Variants in OTUD7A observed in about 807,000 individuals in gnomAD.
OTUD7A encodes the protein OTU domain-containing protein 7A.
Under a neutral mutation model 65.7 loss-of-function variants are expected in OTUD7A, and 12 were observed. The observed-to-expected ratio is 0.18, with a 90% CI of 0.12 to 0.30. The LOEUF (loss-of-function observed/expected upper bound fraction) is 0.30. Ranked by LOEUF, OTUD7A falls within the 10% of genes least tolerant of loss-of-function variation. OTUD7A has a pLI of 1.00. For synonymous variants in OTUD7A, 641 were observed against 586.3 expected (o/e 1.09, Z -1.35); for missense variants, 1,148 against 1,304.8 (o/e 0.88, Z 1.85).
At chr15:31,784,194 A>C (rs558206688) in intron 1 of OTUD7A, among the ~76,000 whole-genome samples, 3 of 152,252 alleles carry the variant, frequency 2.0e-5, no homozygotes, top group Non-Finnish European at 4.4e-5. Flanking sequence ...ATGTGGCTTC[A>C]GATTCCATGT....
At chr15:31,626,283 T>G (rs1428286877) in intron 3 of OTUD7A, among the ~76,000 whole-genome samples, 1 of 152,146 alleles carries the variant, frequency 6.6e-6, no homozygotes. Flanking sequence ...CAACTTACCT[T>G]GAAATATACA....
chr15:31,578,463 C>A (rs752900284), intron 3 of OTUD7A, among the ~76,000 whole-genome samples: 36 of 152,190 alleles, frequency 2.4e-4, no homozygotes, highest in Non-Finnish European at 3.7e-4. Context: ...ATAACTCTTT[C>A]AACCAACTGC....
At chr15:31,648,076 G>A (rs1891730335) in intron 3 of OTUD7A, among the ~76,000 whole-genome samples, 1 of 152,138 alleles carries the variant, frequency 6.6e-6, no homozygotes. Context: ...AAAAATTGGA[G>A]GAAATGGAGT....
At chr15:31,565,736 T>A (rs1418940125) in intron 4 of OTUD7A, among the ~76,000 whole-genome samples, 1 of 152,108 alleles carries the variant, frequency 6.6e-6, no homozygotes, top group Non-Finnish European at 1.5e-5. Flanking sequence ...TCCAGGTATG[T>A]TGAGAATTTA....
At chr15:31,737,376 A>G (rs1894220286) in intron 1 of OTUD7A, among the ~76,000 whole-genome samples, 2 of 152,176 alleles carry the variant, frequency 1.3e-5, no homozygotes, top group Non-Finnish European at 2.9e-5. Context: ...TGGAATCAAG[A>G]TGGCCAGTAA....
intron 3 of OTUD7A, among the ~76,000 whole-genome samples, chr15:31,610,097 A>G (rs1267127937): frequency 6.6e-6 from 1 of 152,158 alleles, no homozygotes; most frequent in South Asian, 2.1e-4. Flanking sequence ...CTACCAAATG[A>G]GAAGGAACCA....
In OTUD7A at chr15:31,788,877, T is replaced by C. The variant is rs183395189; in HGVS notation, c.-100+81630A>G. Among the ~76,000 whole-genome samples, 339 of 152,316 alleles carry C rather than the reference T, an allele frequency of 2.2e-3. 4 individuals are homozygous for C. Among genetic ancestry groups the C allele is most frequent in the Non-Finnish European group, 2.5e-3 (167 of 68,038 alleles). On this transcript the variant is annotated intron_variant, in intron 1 of 12. Coordinates refer to ENST00000307050, the MANE Select transcript of OTUD7A (RefSeq NM_001382637.1). ...CTGCTCCATCCTTCATGGTAAGGCT[T>C]TATTTTTAATGTTCATTTTGCATAT... is the stretch of plus-strand genomic sequence containing the variant.
chr15:31,767,117 T>C (rs1276854511), intron 1 of OTUD7A: 3 of 1,546,966 alleles, frequency 1.9e-6, no homozygotes, highest in Admixed American at 1.8e-5. Context: ...GATTCTTCTT[T>C]ATTTTTTTTT....
Position 31,484,669 on chromosome 15 carries a change from G to A in OTUD7A, c.1427C>T (p.Ser476Phe). 2 of 1,582,536 alleles carry A rather than the reference G, an allele frequency of 1.3e-6. No homozygotes were observed. The highest frequency in any genetic ancestry group is 1.7e-6 in the Non-Finnish European group (2 of 1,167,702). Residue 476 changes from serine (S) to phenylalanine (F), a missense_variant, in exon 13 of 13, where the codon TCC becomes TTC. Around this residue, in one of 6 missense-constraint regions of OTUD7A, gnomAD observed 842 missense variants for 769.5 expected, o/e 1.09. Coordinates refer to ENST00000307050, the MANE Select transcript of OTUD7A (RefSeq NM_001382637.1). The surrounding 1 kb of genome is among the most constrained non-coding windows in gnomAD (Gnocchi z 4.5). Reference sequence around the variant, plus strand: ...GTCCGAGTCCAGCGAGTCGGCCAGGGACTGCACGTCCTCCCCTGCCGAGGC... The same window carrying A: ...GTCCGAGTCCAGCGAGTCGGCCAGGAACTGCACGTCCTCCCCTGCCGAGGC... ...PTASAGEDVQ[S>F]LADSLDSDRD...
intron 1 of OTUD7A, among the ~76,000 whole-genome samples, chr15:31,755,556 C>A (rs879322695): frequency 5.3e-5 from 8 of 152,044 alleles, no homozygotes; most frequent in Admixed American, 5.2e-4. Context: ...CCCGTCTCTA[C>A]TAAAAATACA....
At chr15:31,516,539 A>G (rs1281179294) in intron 8 of OTUD7A, among the ~76,000 whole-genome samples, 1 of 152,234 alleles carries the variant, frequency 6.6e-6, no homozygotes, top group Admixed American at 6.5e-5. Flanking sequence ...AGGCAGCCAG[A>G]GAGCACCTGA....
At chr15:31,760,492 A>G (rs1894931405) in intron 1 of OTUD7A, among the ~76,000 whole-genome samples, 1 of 152,224 alleles carries the variant, frequency 6.6e-6, no homozygotes, top group South Asian at 2.1e-4. Flanking sequence ...CACTGGAATT[A>G]GAATTTTAGT....
At chr15:31,633,045 G>C (rs1021569128) in intron 3 of OTUD7A, among the ~76,000 whole-genome samples, 3 of 152,342 alleles carry the variant, frequency 2.0e-5, no homozygotes, top group African/African-American at 7.2e-5. Context: ...GACTAGGAAA[G>C]GGAATTCCCT....
chr15:31,823,503 G>C (rs1446485863), intron 1 of OTUD7A, among the ~76,000 whole-genome samples: 1 of 152,222 alleles, frequency 6.6e-6, no homozygotes, highest in Non-Finnish European at 1.5e-5. Context: ...TCATTATCCT[G>C]TTTTTGAGAG....
At chr15:31,528,106 A>T (rs2042038587) in intron 6 of OTUD7A, among the ~76,000 whole-genome samples, 1 of 152,254 alleles carries the variant, frequency 6.6e-6, no homozygotes, top group South Asian at 2.1e-4. Context: ...TGGCCGGGAC[A>T]CATGAAGTTC....
At chr15:31,634,723 C>G (rs1431665810) in intron 3 of OTUD7A, among the ~76,000 whole-genome samples, 1 of 152,254 alleles carries the variant, frequency 6.6e-6, no homozygotes, top group South Asian at 2.1e-4. Flanking sequence ...GATGGAGTCC[C>G]GTTCCCCTGT....
At chr15:31,606,653 C>T (rs1007168745) in intron 3 of OTUD7A, among the ~76,000 whole-genome samples, 3 of 152,204 alleles carry the variant, frequency 2.0e-5, no homozygotes, top group Admixed American at 2.0e-4. Context: ...CTGATGTCAA[C>T]ATCTGTCACA....
At chr15:31,603,236 A>T (rs929105487) in intron 3 of OTUD7A, among the ~76,000 whole-genome samples, 2 of 152,008 alleles carry the variant, frequency 1.3e-5, no homozygotes, top group Non-Finnish European at 2.9e-5. Context: ...CACTGGTACC[A>T]AAACAGATAT....
intron 4 of OTUD7A, among the ~76,000 whole-genome samples, chr15:31,569,016 C>G (rs1173245374): frequency 6.6e-6 from 1 of 152,180 alleles, no homozygotes; most frequent in Non-Finnish European, 1.5e-5. Context: ...TATTTCTTTA[C>G]AGCAGTGAAA....
Sources: allele counts gnomAD v4.1 joint callset (sites outside exome capture counted in the v4.1 genomes callset), GRCh38; gene constraint gnomAD v4.1.1; regional missense constraint gnomAD v4.1.1; non-coding constraint Gnocchi (gnomAD v3.1); transcripts MANE v1.5; gene names NCBI Gene and HGNC (gene_info 2026-07-23, HGNC 2026-07-21).